Variants in MAN1C1 observed in about 807,000 individuals in gnomAD.
MAN1C1 encodes the protein mannosyl-oligosaccharide 1,2-alpha-mannosidase IC.
Under a neutral mutation model 71.5 loss-of-function variants are expected in MAN1C1, and 49 were observed. That is an observed-to-expected ratio of 0.69 (90% CI 0.54 to 0.87). The LOEUF is 0.87. Ranked by LOEUF, MAN1C1 falls within the 40% of genes least tolerant of loss-of-function variation. The pLI, the probability that MAN1C1 is intolerant of heterozygous loss-of-function variation, is 0.00. For synonymous variants in MAN1C1, 352 were observed against 343.7 expected (o/e 1.02, Z -0.27); for missense variants, 743 against 835.0 (o/e 0.89, Z 1.36).
intron 1 of MAN1C1, among the ~76,000 whole-genome samples, chr1:25,684,458 G>A (rs945752066): frequency 8.5e-5 from 13 of 152,202 alleles, no homozygotes; most frequent in Non-Finnish European, 1.6e-4. Flanking sequence ...CAGCTGCCCT[G>A]GGAGATGAGT....
At position 25,764,058 on chromosome 1, in the gene MAN1C1, ATG is replaced by A; in HGVS notation, c.1141+95_1141+96del. 9.3e-7 allele frequency: 1 copy of A among 1,074,150 alleles called. No homozygotes were observed. The highest frequency in any genetic ancestry group is 1.4e-6 in the Non-Finnish European group (1 of 703,682). 66.5% of individuals were successfully genotyped at this position (1,074,150 alleles called of 1,614,324 possible). A position where few individuals can be genotyped will look rare whatever the true frequency, so the allele number is the denominator to read the frequency against. ...TGCCAGGCCCCTGGGCTGAGTGAGG[ATG>A]TGTCTGTCAGAGCCATGCAGCCAGC... is the stretch of plus-strand genomic sequence containing the variant. On this transcript the variant is annotated intron_variant, in intron 7 of 11. Coordinates refer to ENST00000374332, the MANE Select transcript of MAN1C1 (RefSeq NM_020379.4). The surrounding 1 kb of genome is among the most constrained non-coding windows in gnomAD (Gnocchi z 4.4).
At chr1:25,673,268 G>A (rs1012887757) in intron 1 of MAN1C1, among the ~76,000 whole-genome samples, 1 of 152,176 alleles carries the variant, frequency 6.6e-6, no homozygotes, top group South Asian at 2.1e-4. Context: ...GTGCCCAGGT[G>A]CTGTGCCGAG....
intron 1 of MAN1C1, chr1:25,654,468 C>G (rs1486042467): frequency 1.3e-5 from 2 of 152,192 alleles, no homozygotes; most frequent in South Asian, 2.1e-4. Flanking sequence ...GTGCTCACCC[C>G]CAAGCCTGCC....
chr1:25,746,587 G>T lies in MAN1C1; in HGVS notation c.638-81G>T, dbSNP rs1053039076. Reference sequence around the variant, plus strand: ...CCAAGCCTGCGCTGGCATTGGAGGGGCCCTGAGAACGGTGGCTTGTCCAGT... The same window carrying T: ...CCAAGCCTGCGCTGGCATTGGAGGGTCCCTGAGAACGGTGGCTTGTCCAGT... On this transcript the variant is annotated intron_variant, in intron 2 of 11. Transcript: ENST00000374332. This position sits in a 1 kb window ranked among gnomAD's most constrained non-coding sequence, Gnocchi z 4.0. 4.6e-6 allele frequency: 5 copies of T among 1,093,310 alleles called. No individual in the cohort carries two copies. In the Admixed American group the frequency reaches 7.8e-5, roughly 17 times the overall value. The allele number at this position is 1,093,310 out of a possible 1,614,324, so 67.7% of individuals were successfully genotyped here.
At position 25,725,849 on chromosome 1, in the gene MAN1C1, A is replaced by G. The variant is rs2046824061; in HGVS notation, c.638-20819A>G. The stretch of plus-strand genomic sequence containing the variant: ...TGAGAACAACAGATGCACATGGTAG[A>G]GCTGAAGAATGAGAGGGTGCTCGGG... On this transcript the variant is annotated intron_variant, in intron 2 of 11. Coordinates refer to ENST00000374332, the MANE Select transcript of MAN1C1 (RefSeq NM_020379.4). This position sits in a 1 kb window ranked among gnomAD's most constrained non-coding sequence, Gnocchi z 4.8. Among the ~76,000 whole-genome samples, 1 of 152,238 alleles carries G rather than the reference A, an allele frequency of 6.6e-6. No homozygotes were observed. Among genetic ancestry groups the G allele is most frequent in the Non-Finnish European group, 1.5e-5 (1 of 68,036 alleles).
At chr1:25,757,504 G>C (rs865794950) in intron 5 of MAN1C1, among the ~76,000 whole-genome samples, 4 of 6,356 alleles carry the variant, frequency 6.3e-4, no homozygotes, top group African/African-American at 1.7e-3. Flanking sequence ...GAGGCACGGG[G>C]GGGGGGGGCA....
intron 2 of MAN1C1, among the ~76,000 whole-genome samples, chr1:25,721,187 G>A (rs1207908976): frequency 6.6e-6 from 1 of 152,040 alleles, no homozygotes; most frequent in African/African-American, 2.4e-5. Flanking sequence ...GGTTCTTGCT[G>A]TGCTGCCCAG....
chr1:25,736,513 G>A (rs769267917), intron 2 of MAN1C1, among the ~76,000 whole-genome samples: 7 of 152,016 alleles, frequency 4.6e-5, no homozygotes, highest in African/African-American at 1.7e-4. Context: ...AGACCTCATT[G>A]TCCCATTTTA....
intron 1 of MAN1C1, 64 bp from the exon 2 acceptor site, chr1:25,686,376 C>A: frequency 1.5e-6 from 2 of 1,367,924 alleles, no homozygotes; most frequent in Non-Finnish European, 2.1e-6. Context: ...CAAAGCCAGG[C>A]GGCCAGTGCG....
At chr1:25,663,169 TTA>T (rs1199660844) in intron 1 of MAN1C1, among the ~76,000 whole-genome samples, 1 of 148,136 alleles carries the variant, frequency 6.8e-6, no homozygotes, top group African/African-American at 2.4e-5. Flanking sequence ...TATATTTTAT[TTA>T]TATATTATTT....
intron 1 of MAN1C1, among the ~76,000 whole-genome samples, chr1:25,673,251 G>T (rs1207758899): frequency 6.6e-6 from 1 of 152,192 alleles, no homozygotes; most frequent in East Asian, 1.9e-4. Context: ...ACTTAGTGGA[G>T]TATGCTGTGC....
chr1:25,667,837 T>G (rs1489651163), intron 1 of MAN1C1, among the ~76,000 whole-genome samples: 1 of 152,062 alleles, frequency 6.6e-6, no homozygotes, highest in Non-Finnish European at 1.5e-5. Flanking sequence ...CCACCACACA[T>G]CACCCATCAT....
Position 25,617,693 on chromosome 1 carries a change from A to T in MAN1C1, c.-105A>T. The T allele has an allele frequency of 9.1e-7, 1 of 1,092,956 alleles. No homozygotes were observed. The highest frequency in any genetic ancestry group is 1.6e-5 in the South Asian group (1 of 63,860). 67.7% of individuals were successfully genotyped at this position (1,092,956 alleles called of 1,614,324 possible). A position where few individuals can be genotyped will look rare whatever the true frequency, so the allele number is the denominator to read the frequency against. ...ACTCTCAGGGTTGGCAACCCTGCCC[A>T]GGGACCCCCATCCCGGGCGGCGCTC... On this transcript the variant is annotated 5_prime_UTR_variant, in exon 1 of 12. Transcript: ENST00000374332. The surrounding 1 kb of genome is among the most constrained non-coding windows in gnomAD (Gnocchi z 5.1).
intron 2 of MAN1C1, among the ~76,000 whole-genome samples, chr1:25,706,341 C>T (rs914110119): frequency 2.6e-5 from 4 of 152,174 alleles, no homozygotes; most frequent in Admixed American, 2.6e-4. Context: ...TCTAGCACCC[C>T]TTCCTGGATT....
rs1180002303 is a variant in MAN1C1 at position 25,753,110 on chromosome 1, C to T, written c.835-374C>T. 6.6e-6 allele frequency among the ~76,000 whole-genome samples: 1 copy of T among 152,024 alleles called. No homozygotes were observed. The highest frequency in any genetic ancestry group is 6.5e-5 in the Admixed American group (1 of 15,268). ...CATCTGGACTTGGAGGTGCCCCCCA[C>T]CCCCCGCACCTCACTGCTTTCTCCC... On this transcript the variant is annotated intron_variant, in intron 4 of 11. Coordinates refer to ENST00000374332, the MANE Select transcript of MAN1C1 (RefSeq NM_020379.4). The surrounding 1 kb of genome is among the most constrained non-coding windows in gnomAD (Gnocchi z 4.9).
chr1:25,696,541 G>T (rs2046372090), intron 2 of MAN1C1, among the ~76,000 whole-genome samples: 1 of 152,172 alleles, frequency 6.6e-6, no homozygotes, highest in African/African-American at 2.4e-5. Context: ...TAACTGCCAT[G>T]CAGGTCAAGA....
intron 1 of MAN1C1, among the ~76,000 whole-genome samples, chr1:25,626,730 C>T (rs1310356618): frequency 6.6e-6 from 1 of 151,950 alleles, no homozygotes; most frequent in Non-Finnish European, 1.5e-5. Flanking sequence ...ATGTCAAAAA[C>T]TGGTCTATTT....
chr1:25,617,938 T>G lies in MAN1C1; in HGVS notation c.141T>G (p.Ser47=). 1 of 1,606,694 alleles carries G rather than the reference T, an allele frequency of 6.2e-7. No individual in the cohort carries two copies. Among genetic ancestry groups the G allele is most frequent in the Non-Finnish European group, 8.5e-7 (1 of 1,177,380 alleles). The change falls in exon 1 of 12, where the codon TCT becomes TCG. Residue 47 remains serine, a synonymous_variant. Transcript: ENST00000374332. The surrounding 1 kb of genome is among the most constrained non-coding windows in gnomAD (Gnocchi z 5.1). ...CCCTCTTCCTGCTGCCCCACTCCTC[T>G]CGCCTCAAGCGCCTCTTCCTGGCCC... ...FGALFLLPHS[S]RLKRLFLAPR... is the part of the protein sequence containing the mutation.
At chr1:25,663,687 G>A (rs189123173) in intron 1 of MAN1C1, among the ~76,000 whole-genome samples, 73 of 152,258 alleles carry the variant, frequency 4.8e-4, no homozygotes, top group South Asian at 4.6e-3. Flanking sequence ...GGGGAGATGG[G>A]TATGTAAAAA....
Sources: allele counts gnomAD v4.1 joint callset (sites outside exome capture counted in the v4.1 genomes callset), GRCh38; gene constraint gnomAD v4.1.1; non-coding constraint Gnocchi (gnomAD v3.1); transcripts MANE v1.5; gene names NCBI Gene and HGNC (gene_info 2026-07-23, HGNC 2026-07-21).